The following CSMD1 variants were observed in gnomAD, a reference collection of about 807,000 sequenced individuals.
CSMD1 encodes the protein CUB and sushi domain-containing protein 1.
CSMD1 carries 213 observed loss-of-function variants against 417.5 expected under a neutral mutation model. That is an observed-to-expected ratio of 0.51 (90% CI 0.46 to 0.57). CSMD1 has a LOEUF of 0.57. Ranked by LOEUF, CSMD1 falls within the 20% of genes least tolerant of loss-of-function variation. The pLI, the probability that CSMD1 is intolerant of heterozygous loss-of-function variation, is 0.00. For missense variants in CSMD1, 6,923 were observed against 4,529.7 expected, an observed-to-expected ratio of 1.53 and a Z score of -15.17; for synonymous variants, 2,862 against 1,736.8, an observed-to-expected ratio of 1.65 and a Z score of -16.11.
chr8:4,787,498 T>A (rs1363498494), intron 1 of CSMD1: 1 of 919,770 alleles, frequency 1.1e-6, no homozygotes, highest in Non-Finnish European at 1.8e-6. Flanking sequence ...AAATCACCAG[T>A]TGTATTTTTC....
chr8:3,902,096 G>C (rs58715076), intron 5 of CSMD1, among the ~76,000 whole-genome samples: 2,376 of 152,150 alleles, frequency 0.016, 65 homozygotes, highest in African/African-American at 0.052. Context: ...TTGAAAACCA[G>C]CCTGAACACA....
At chr8:4,646,687 C>A (rs1489527546) in intron 1 of CSMD1, among the ~76,000 whole-genome samples, 4 of 152,096 alleles carry the variant, frequency 2.6e-5, no homozygotes, top group African/African-American at 9.7e-5. Context: ...TAATACCATG[C>A]TCTATTTTAA....
At chr8:4,197,898 G>T (rs753031949) in intron 3 of CSMD1, among the ~76,000 whole-genome samples, 3 of 152,022 alleles carry the variant, frequency 2.0e-5, no homozygotes, top group South Asian at 2.1e-4. Context: ...AAGAAAAAAA[G>T]CTTCATCCAT....
chr8:4,680,502 G>C (rs1018979973), intron 1 of CSMD1, among the ~76,000 whole-genome samples: 3 of 152,272 alleles, frequency 2.0e-5, no homozygotes, highest in Admixed American at 6.5e-5. Flanking sequence ...TTAAATTATA[G>C]AGAGGGAGGA....
At chr8:4,354,971 G>C (rs1040331992) in intron 3 of CSMD1, among the ~76,000 whole-genome samples, 3 of 149,722 alleles carry the variant, frequency 2.0e-5, no homozygotes, top group African/African-American at 7.4e-5. Context: ...CCCATGTTTA[G>C]ATCTTTTGTG....
chr8:4,909,277 G>A (rs1317106392), intron 1 of CSMD1, among the ~76,000 whole-genome samples: 1 of 152,000 alleles, frequency 6.6e-6, no homozygotes. Flanking sequence ...GTGATCCTGT[G>A]TTTCAGGGCT....
chr8:4,070,192 C>A (rs1463142832), intron 3 of CSMD1, among the ~76,000 whole-genome samples: 1 of 151,934 alleles, frequency 6.6e-6, no homozygotes, highest in African/African-American at 2.4e-5. Flanking sequence ...TTTACCAAAC[C>A]TCTTTTTTTC....
intron 6 of CSMD1, among the ~76,000 whole-genome samples, chr8:3,710,872 G>T (rs145099677): frequency 1.3e-5 from 2 of 152,064 alleles, no homozygotes; most frequent in Non-Finnish European, 2.9e-5. Context: ...ACCTTTCCAC[G>T]TGGGCTACTG....
intron 3 of CSMD1, among the ~76,000 whole-genome samples, chr8:4,196,537 G>A (rs572683296): frequency 2.0e-5 from 3 of 152,248 alleles, no homozygotes; most frequent in Admixed American, 6.5e-5. Flanking sequence ...CTTGCTGGCT[G>A]TAAACTGTGA....
chr8:2,950,470 T>C, intron 66 of CSMD1, 127 bp from the exon 67 acceptor site: 1 of 638,412 alleles, frequency 1.6e-6, no homozygotes, highest in Non-Finnish European at 2.8e-6. Flanking sequence ...CAAACAGAAA[T>C]TGTATTTTTA....
chr8:4,594,676 T>G (rs1476340325), intron 2 of CSMD1, among the ~76,000 whole-genome samples: 1 of 152,224 alleles, frequency 6.6e-6, no homozygotes, highest in African/African-American at 2.4e-5. Context: ...GCTGCCCATG[T>G]GTTGCCTTTG....
At chr8:4,257,823 T>C (rs1803572356) in intron 3 of CSMD1, among the ~76,000 whole-genome samples, 1 of 152,212 alleles carries the variant, frequency 6.6e-6, no homozygotes, top group Non-Finnish European at 1.5e-5. Flanking sequence ...GTTGCATGCA[T>C]AGGGAATACA....
chr8:3,948,344 C>T (rs1016981751), intron 5 of CSMD1, among the ~76,000 whole-genome samples: 1 of 152,054 alleles, frequency 6.6e-6, no homozygotes, highest in Non-Finnish European at 1.5e-5. Flanking sequence ...GGGACAGAGG[C>T]TTTAATAAAT....
chr8:4,471,443 C>G (rs1800526462), intron 2 of CSMD1, among the ~76,000 whole-genome samples: 1 of 152,062 alleles, frequency 6.6e-6, no homozygotes. Context: ...TAGCTGTCAG[C>G]AAGCCTCTCG....
chr8:3,295,207 C>G (rs1695320596), intron 25 of CSMD1, among the ~76,000 whole-genome samples: 1 of 152,062 alleles, frequency 6.6e-6, no homozygotes, highest in Non-Finnish European at 1.5e-5. Flanking sequence ...TCACTGGAAG[C>G]TCTGCCACCC....
chr8:3,025,217 T>A (rs1041059125), intron 51 of CSMD1, among the ~76,000 whole-genome samples: 2 of 150,610 alleles, frequency 1.3e-5, no homozygotes, highest in Admixed American at 6.6e-5. Flanking sequence ...AAACTGTGTA[T>A]TGTGTGGTGT....
At chr8:3,476,931 A>C (rs1187500891) in intron 11 of CSMD1, among the ~76,000 whole-genome samples, 1 of 113,996 alleles carries the variant, frequency 8.8e-6, no homozygotes, top group Non-Finnish European at 1.9e-5. Context: ...AAAAAAAAAA[A>C]ATGTGAATCA....
chr8:4,698,135 GTT>G (rs11299577), intron 1 of CSMD1, among the ~76,000 whole-genome samples: 12,106 of 138,660 alleles, frequency 0.087, 522 homozygotes, highest in Middle Eastern at 0.21. Flanking sequence ...TGAATACTGG[GTT>G]TTTTTTTTTT....
chr8:3,393,540 G>C (rs1811474110), intron 17 of CSMD1, among the ~76,000 whole-genome samples: 1 of 152,024 alleles, frequency 6.6e-6, no homozygotes, highest in South Asian at 2.1e-4. Flanking sequence ...AGAAGTGTCT[G>C]TTCATATCCT....
Sources: gnomAD v4.1 joint callset for allele counts (sites outside exome capture counted in the v4.1 genomes callset) on GRCh38, gnomAD v4.1.1 for gene constraint, MANE v1.5 for transcripts, NCBI Gene and HGNC (gene_info 2026-07-23, HGNC 2026-07-21) for gene names.